The following IGFBPL1 variants were observed in gnomAD, a reference collection of about 807,000 sequenced individuals.
IGFBPL1 encodes insulin-like growth factor-binding protein-like 1.
In IGFBPL1, 20 loss-of-function variants were observed where a neutral mutation model predicts 23.9. The ratio of observed to expected loss-of-function variants is 0.84; its 90% CI spans 0.59 to 1.22. IGFBPL1 has a LOEUF of 1.22. Ranked by LOEUF, IGFBPL1 falls within the 50% of genes most tolerant of loss-of-function variation. The pLI is 0.00. For synonymous variants in IGFBPL1, 184 were observed against 171.8 expected (o/e 1.07, Z -0.56); for missense variants, 436 against 379.3 (o/e 1.15, Z -1.24).
intron 1 of IGFBPL1, 66 bp downstream of exon 1, chr9:38,423,899 C>G: frequency 7.8e-7 from 1 of 1,281,124 alleles, no homozygotes; most frequent in South Asian, 2.3e-5. Context: ...GGGGATCCTT[C>G]GCTCCACACC....
At chr9:38,418,993 G>C (rs1034082615) in intron 1 of IGFBPL1, among the ~76,000 whole-genome samples, 1 of 152,032 alleles carries the variant, frequency 6.6e-6, no homozygotes, top group Non-Finnish European at 1.5e-5. Flanking sequence ...CGCATCCTTG[G>C]GGTGAAGGGA....
In IGFBPL1 at chr9:38,411,563, A is replaced by G; in HGVS notation, c.688-14T>C. On this transcript the variant is annotated splice_polypyrimidine_tract_variant and intron_variant, in intron 3 of 4. Coordinates refer to ENST00000377694, the MANE Select transcript of IGFBPL1 (RefSeq NM_001007563.3). Reference sequence around the variant, plus strand: ...CAGGGGGTTGATCTAGAAATACAACAGGCAAGTTTATACAGTTATATAAGG... The same window carrying G: ...CAGGGGGTTGATCTAGAAATACAACGGGCAAGTTTATACAGTTATATAAGG... 1 of 1,612,772 alleles carries G rather than the reference A, an allele frequency of 6.2e-7. No homozygotes were observed. The highest frequency in any genetic ancestry group is 1.7e-4 in the Middle Eastern group (1 of 6,054).
At chr9:38,422,723 G>A (rs986290268) in intron 1 of IGFBPL1, among the ~76,000 whole-genome samples, 8 of 152,180 alleles carry the variant, frequency 5.3e-5, no homozygotes, top group Admixed American at 5.2e-4. Flanking sequence ...ACTTTCCTGT[G>A]CTCAACTGGC....
chr9:38,421,644 C>T (rs1353847113), intron 1 of IGFBPL1, among the ~76,000 whole-genome samples: 3 of 152,138 alleles, frequency 2.0e-5, no homozygotes, highest in South Asian at 2.1e-4. Context: ...TTCCTTCAAC[C>T]GGGATCCCCA....
At chr9:38,420,527 G>C (rs1727410063) in intron 1 of IGFBPL1, among the ~76,000 whole-genome samples, 1 of 152,220 alleles carries the variant, frequency 6.6e-6, no homozygotes, top group African/African-American at 2.4e-5. Flanking sequence ...TAGCTGTGCA[G>C]CGCCCATCTG....
chr9:38,414,509 G>A (rs1355396819), intron 1 of IGFBPL1, among the ~76,000 whole-genome samples: 2 of 152,136 alleles, frequency 1.3e-5, no homozygotes, highest in Non-Finnish European at 1.5e-5. Flanking sequence ...CCCAGGGTCC[G>A]TTCCAGGCTC....
At chr9:38,411,654 T>A (rs1821515019) in intron 3 of IGFBPL1, 105 bp from the exon 4 acceptor site, 1 of 1,022,082 alleles carries the variant, frequency 9.8e-7, no homozygotes, top group Non-Finnish European at 1.4e-6. Flanking sequence ...CTTTTCAGAA[T>A]AAGGTAAAAC....
chr9:38,417,516 A>C lies in IGFBPL1; in HGVS notation c.461-3313T>G, dbSNP rs1352899519. Among the ~76,000 whole-genome samples, 5 of 152,338 alleles carry C rather than the reference A, an allele frequency of 3.3e-5. No homozygotes were observed. In the East Asian group the frequency reaches 9.6e-4, roughly 29 times the overall value. On this transcript the variant is annotated intron_variant, in intron 1 of 4. Coordinates refer to ENST00000377694, the MANE Select transcript of IGFBPL1 (RefSeq NM_001007563.3). ...TTGTTATCTGTGTGGTCTCCGATCC[A>C]GAATAAGAGATGAGTTGCTTAGGGA...
At chr9:38,409,299 G>A (rs191172262) in intron 4 of IGFBPL1, 82 bp from the exon 5 acceptor site, 2 of 152,374 alleles carry the variant, frequency 1.3e-5, no homozygotes, top group Non-Finnish European at 2.9e-5. Context: ...GAAGGTGGGG[G>A]AAATGATCCT....
Position 38,423,972 on chromosome 9 carries a change from G to A in IGFBPL1, c.453C>T (p.Cys151=). 1 of 1,402,330 alleles carries A rather than the reference G, an allele frequency of 7.1e-7. No individual in the cohort carries two copies. Among genetic ancestry groups the A allele is most frequent in the Non-Finnish European group, 9.2e-7 (1 of 1,086,966 alleles). The allele number at this position is 1,402,330 out of a possible 1,614,324, so 86.9% of individuals were successfully genotyped here. A position where few individuals can be genotyped will look rare whatever the true frequency, so the allele number is the denominator to read the frequency against. The change falls in exon 1 of 5, where the codon TGC becomes TGT. Residue 151 remains cysteine (C), a synonymous_variant. Coordinates refer to ENST00000377694, the MANE Select transcript of IGFBPL1 (RefSeq NM_001007563.3). ...GHLHKARDGP[C]EFAPVVVVPP... The stretch of plus-strand genomic sequence containing the variant: ...TCCCCGACCCTGACTCACCGAACTC[G>A]CAAGGGCCGTCGCGCGCCTTGTGCA...
rs146081064 is a variant in IGFBPL1 at position 38,411,917 on chromosome 9, T to C, written c.688-368A>G. Among the ~76,000 whole-genome samples, 636 of 152,328 alleles carry C rather than the reference T, an allele frequency of 4.2e-3. 3 individuals are homozygous for C. The highest frequency in any genetic ancestry group is 6.3e-3 in the Non-Finnish European group (427 of 68,016). Reference sequence around the variant, plus strand: ...AGAATGATCCAGAAAGTATTCCCTATAGGGGCAGCCTCTACAAAATACCAC... The same window carrying C: ...AGAATGATCCAGAAAGTATTCCCTACAGGGGCAGCCTCTACAAAATACCAC... On this transcript the variant is annotated intron_variant, in intron 3 of 4. Coordinates refer to ENST00000377694, the MANE Select transcript of IGFBPL1 (RefSeq NM_001007563.3).
chr9:38,414,241 G>T, intron 1 of IGFBPL1, 38 bp from the exon 2 acceptor site: 1 of 1,339,122 alleles, frequency 7.5e-7, no homozygotes, highest in Non-Finnish European at 1.0e-6. Context: ...CCTTTACCCT[G>T]CAGGGTTCCA....
At chr9:38,418,657 C>T (rs1297428849) in intron 1 of IGFBPL1, among the ~76,000 whole-genome samples, 1 of 152,160 alleles carries the variant, frequency 6.6e-6, no homozygotes, top group East Asian at 1.9e-4. Context: ...ATGTGGCTTG[C>T]AGGAGGGAGG....
chr9:38,406,980 T>C lies in IGFBPL1; in HGVS notation c.*2247A>G, dbSNP rs1310092204. Among the ~76,000 whole-genome samples, 1 of 152,326 alleles carries C rather than the reference T, an allele frequency of 6.6e-6. No homozygotes were observed. The highest frequency in any genetic ancestry group is 1.9e-4 in the East Asian group (1 of 5,178). On this transcript the variant is annotated 3_prime_UTR_variant, in exon 5 of 5. Transcript: ENST00000377694. ...GTGCTTATTAGCAGGTGTGGGATGT[T>C]CTACTACCTTCTTCAGAGCCACAGC...
intron 1 of IGFBPL1, among the ~76,000 whole-genome samples, chr9:38,414,868 A>G (rs2118309358): frequency 2.0e-5 from 3 of 152,242 alleles, no homozygotes; most frequent in African/African-American, 7.2e-5. Context: ...GAGGGAGGGT[A>G]TGGGCTCCCT....
chr9:38,422,731 G>A (rs577163003), intron 1 of IGFBPL1, among the ~76,000 whole-genome samples: 1 of 152,300 alleles, frequency 6.6e-6, no homozygotes, highest in South Asian at 2.1e-4. Flanking sequence ...GTGCTCAACT[G>A]GCCACACACT....
At position 38,424,421 on chromosome 9, in the gene IGFBPL1, G is replaced by A. The variant is rs559592854; in HGVS notation, c.4C>T (p.Pro2Ser). 1 of 590,606 alleles carries A rather than the reference G, an allele frequency of 1.7e-6. No individual in the cohort carries two copies. The highest frequency in any genetic ancestry group is 3.0e-6 in the Non-Finnish European group (1 of 331,542). The allele number at this position is 590,606 out of a possible 1,614,324, so 36.6% of individuals were successfully genotyped here. A position where few individuals can be genotyped will look rare whatever the true frequency, so the allele number is the denominator to read the frequency against. ...AGCGGCAAGAGCAGAGACAAGCGCG[G>A]CATGGCTTGCTCCGGGACAGCGGCG... M[P>S]RLSLLLPLLL... is the part of the protein sequence containing the mutation. Residue 2 changes from proline to serine, a missense_variant, in exon 1 of 5, where the codon CCG (proline) becomes TCG (serine). Physicochemically the swap from Pro to Ser is moderately conservative, Grantham distance 74. Coordinates refer to ENST00000377694, the MANE Select transcript of IGFBPL1 (RefSeq NM_001007563.3).
rs1025909749 is a variant in IGFBPL1 at position 38,407,987 on chromosome 9, G to C, written c.*1240C>G. ...AAAGAGAGCCTTACTCTTGGGTGAG[G>C]TCAAAATGTTTGTAGGTAAAATATA... On this transcript the variant is annotated 3_prime_UTR_variant, in exon 5 of 5. Coordinates refer to ENST00000377694, the MANE Select transcript of IGFBPL1 (RefSeq NM_001007563.3). Among the ~76,000 whole-genome samples the C allele has an allele frequency of 6.6e-6, 1 of 151,984 alleles. No homozygotes were observed. Among genetic ancestry groups the C allele is most frequent in the African/African-American group, 2.4e-5 (1 of 41,362 alleles).
At chr9:38,422,788 A>C (rs1395586959) in intron 1 of IGFBPL1, among the ~76,000 whole-genome samples, 1 of 152,140 alleles carries the variant, frequency 6.6e-6, no homozygotes, top group Non-Finnish European at 1.5e-5. Flanking sequence ...CATCTCCAAC[A>C]ACCCATTGCG....
Sources: gnomAD v4.1 joint callset for allele counts (sites outside exome capture counted in the v4.1 genomes callset) on GRCh38, gnomAD v4.1.1 for gene constraint, MANE v1.5 for transcripts, NCBI Gene and HGNC (gene_info 2026-07-23, HGNC 2026-07-21) for gene names.